The following ABL1 variants were observed in gnomAD, a reference collection of about 807,000 sequenced individuals.
ABL1 encodes ABL proto-oncogene 1, non-receptor tyrosine kinase, also known as tyrosine-protein kinase ABL1.
ABL1 carries 11 observed loss-of-function variants against 94.7 expected under a neutral mutation model. The ratio of observed to expected loss-of-function variants is 0.12; its 90% CI spans 0.07 to 0.19. ABL1 has a LOEUF of 0.19. ABL1 is among the 10% of genes least tolerant of loss of function. The pLI is 1.00. For missense variants in ABL1, 1,082 were observed against 1,489.4 expected, an observed-to-expected ratio of 0.73 and a Z score of 4.50; for synonymous variants, 656 against 622.4, an observed-to-expected ratio of 1.05 and a Z score of -0.80.
intron 4 of ABL1, among the ~76,000 whole-genome samples, chr9:130,865,081 G>A (rs182541313): frequency 6.6e-6 from 1 of 152,216 alleles, no homozygotes; most frequent in Admixed American, 6.5e-5. Context: ...TTGTGGGGTG[G>A]GTTTCTTATA....
At chr9:130,771,980 C>T (rs1420877623) in intron 1 of ABL1, among the ~76,000 whole-genome samples, 4 of 152,110 alleles carry the variant, frequency 2.6e-5, no homozygotes, top group Non-Finnish European at 5.9e-5. Context: ...TCTCAAACTC[C>T]TGGCCTCAGG....
chr9:130,880,018 A>G lies in ABL1; in HGVS notation c.1424-50A>G. ...TTTCCTTGAGAACTGCTAGCCCCGT[A>G]TTGCTAGCCAGATCTCATGGATGAT... On this transcript the variant is annotated intron_variant, in intron 8 of 10. Coordinates refer to ENST00000318560, the MANE Select transcript of ABL1 (RefSeq NM_005157.6). This position sits in a 1 kb window ranked among gnomAD's most constrained non-coding sequence, Gnocchi z 4.4. 2 of 1,532,810 alleles carry G rather than the reference A, an allele frequency of 1.3e-6. No individual in the cohort carries two copies. The highest frequency in any genetic ancestry group is 1.8e-6 in the Non-Finnish European group (2 of 1,105,936). The allele number at this position is 1,532,810 out of a possible 1,614,324, so 95.0% of individuals were successfully genotyped here.
intron 1 of ABL1, among the ~76,000 whole-genome samples, chr9:130,848,517 C>CA (rs34492912): frequency 0.013 from 1,097 of 86,366 alleles, 14 homozygotes; most frequent in Middle Eastern, 0.036. Flanking sequence ...GACTCCAACT[C>CA]AAAAAAAAAA....
rs140385873 is a variant in ABL1, at chr9:130,800,188, T to G, written c.137-53876T>G. Among the ~76,000 whole-genome samples, 380 of 152,308 alleles carry G rather than the reference T, an allele frequency of 2.5e-3. 3 individuals are homozygous for G. Among genetic ancestry groups the G allele is most frequent in the African/African-American group, 8.5e-3 (355 of 41,570 alleles). Reference sequence around the variant, plus strand: ...CACCCAACTATAAAATGTATTTTTATAGATACTTATTGAATTTTAGGATGT... The same window carrying G: ...CACCCAACTATAAAATGTATTTTTAGAGATACTTATTGAATTTTAGGATGT... On this transcript the variant is annotated intron_variant, in intron 1 of 10. Coordinates refer to the ABL1 transcript ENST00000372348.
At chr9:130,803,916 T>C (rs973350827) in intron 1 of ABL1, among the ~76,000 whole-genome samples, 3 of 152,044 alleles carry the variant, frequency 2.0e-5, no homozygotes, top group African/African-American at 7.2e-5. Flanking sequence ...TTTTAAGAAT[T>C]AATGAGGCAA....
intron 1 of ABL1, among the ~76,000 whole-genome samples, chr9:130,802,180 C>A (rs1227695055): frequency 1.3e-5 from 2 of 149,250 alleles, no homozygotes; most frequent in African/African-American, 5.0e-5. Context: ...GCAACTTTGG[C>A]CTCCTGGGTT....
intron 7 of ABL1, among the ~76,000 whole-genome samples, chr9:130,877,292 A>G (rs1385873004): frequency 6.7e-6 from 1 of 148,376 alleles, no homozygotes; most frequent in Non-Finnish European, 1.5e-5. Context: ...TTCTCTAAGG[A>G]ATCTTATCCT....
chr9:130,746,356 A>C (rs1220813298), intron 1 of ABL1, among the ~76,000 whole-genome samples: 1 of 151,930 alleles, frequency 6.6e-6, no homozygotes, highest in African/African-American at 2.4e-5. Context: ...TATGAATTTT[A>C]AGACATTTAT....
At chr9:130,883,780 A>C (rs1169679204) in intron 10 of ABL1, among the ~76,000 whole-genome samples, 189 bp from the exon 11 acceptor site, 1 of 152,218 alleles carries the variant, frequency 6.6e-6, no homozygotes, top group Non-Finnish European at 1.5e-5. Context: ...GCCATTATGC[A>C]CAGGAGATAA....
At chr9:130,792,281 C>G (rs1829919112) in intron 1 of ABL1, among the ~76,000 whole-genome samples, 1 of 152,170 alleles carries the variant, frequency 6.6e-6, no homozygotes, top group South Asian at 2.1e-4. Flanking sequence ...TTTCCTTTCT[C>G]TTGCCACTGA....
chr9:130,803,434 G>A (rs1830083525), intron 1 of ABL1, among the ~76,000 whole-genome samples: 1 of 152,156 alleles, frequency 6.6e-6, no homozygotes, highest in Non-Finnish European at 1.5e-5. Flanking sequence ...TGTCATGTCT[G>A]TGCATGACAT....
intron 1 of ABL1, among the ~76,000 whole-genome samples, chr9:130,843,099 C>T (rs1010002419): frequency 6.6e-6 from 1 of 152,172 alleles, no homozygotes; most frequent in African/African-American, 2.4e-5. Context: ...TACAGGTTAA[C>T]AGATTATTAA....
intron 1 of ABL1, among the ~76,000 whole-genome samples, chr9:130,794,109 A>G (rs1408792376): frequency 1.3e-5 from 2 of 152,110 alleles, no homozygotes; most frequent in East Asian, 3.9e-4. Context: ...AATGTAATGC[A>G]CTTGAATCAT....
Position 130,872,947 on chromosome 9 carries a change from G to A in ABL1, c.995G>A (p.Arg332Gln), listed in dbSNP as rs560686582. Reference protein sequence around the residue: ...NLLDYLRECNRQEVNAVVLLY... With the variant: ...NLLDYLRECNQQEVNAVVLLY... ...CTGGACTACCTGAGGGAGTGCAACC[G>A]GCAGGAGGTGAACGCCGTGGTGCTG... The change falls in exon 6 of 11, where the codon CGG becomes CAG. Residue 332 changes from arginine to glutamine, a missense_variant. This residue lies in a region of ABL1 where 92 missense variants were observed against 212.3 expected (regional missense o/e 0.43). Transcript: ENST00000318560. This position sits in a 1 kb window ranked among gnomAD's most constrained non-coding sequence, Gnocchi z 5.0. 3.2e-5 allele frequency: 51 copies of A among 1,614,172 alleles called. No homozygotes were observed. Among genetic ancestry groups the A allele is most frequent in the African/African-American group, 1.7e-4 (13 of 75,024 alleles).
rs1395891779 is a variant in ABL1, at chr9:130,714,521, CTT to C, written c.136+68_136+69del. The C allele has an allele frequency of 4.4e-6, 7 of 1,599,654 alleles. 1 individual carries two copies. In the African/African-American group the frequency reaches 6.7e-5, roughly 15 times the overall value. ...GCATTCATCTTAGGCCTTCAAGGAA[CTT>C]TGAACAACAGTACTTGCGACAGTTC... On this transcript the variant is annotated intron_variant, in intron 1 of 10. Coordinates refer to the ABL1 transcript ENST00000372348.
chr9:130,738,922 G>A (rs975205765), intron 1 of ABL1, among the ~76,000 whole-genome samples: 12 of 152,014 alleles, frequency 7.9e-5, no homozygotes, highest in African/African-American at 2.7e-4. Flanking sequence ...TTGCTCTGTC[G>A]CCCAGGCTGG....
intron 3 of ABL1, among the ~76,000 whole-genome samples, chr9:130,858,526 AC>A (rs1444418940): frequency 6.6e-6 from 1 of 151,982 alleles, no homozygotes; most frequent in Non-Finnish European, 1.5e-5. Context: ...CATCCAGCAG[AC>A]CGTCTGCGGA....
intron 1 of ABL1, among the ~76,000 whole-genome samples, chr9:130,853,717 A>G (rs1398285906): frequency 2.0e-5 from 3 of 152,238 alleles, no homozygotes; most frequent in African/African-American, 7.2e-5. Context: ...GCCCGGCTAA[A>G]GCAAGAAATT....
chr9:130,804,352 C>T (rs959100354), intron 1 of ABL1, among the ~76,000 whole-genome samples: 1 of 151,948 alleles, frequency 6.6e-6, no homozygotes, highest in Non-Finnish European at 1.5e-5. Context: ...TTTGGGAGGC[C>T]GAGGTGGGCA....
Sources: gnomAD v4.1 joint callset for allele counts (sites outside exome capture counted in the v4.1 genomes callset) on GRCh38, gnomAD v4.1.1 for gene constraint, gnomAD v4.1.1 regional missense constraint, Gnocchi (gnomAD v3.1) non-coding constraint, MANE v1.5 for transcripts, NCBI Gene and HGNC (gene_info 2026-07-23, HGNC 2026-07-21) for gene names.